The following ROBO1 variants were observed in gnomAD, a reference collection of about 807,000 sequenced individuals.
ROBO1 encodes the protein roundabout guidance receptor 1.
ROBO1 carries 149 observed loss-of-function variants against 195.9 expected under a neutral mutation model. That is an observed-to-expected ratio of 0.76 (90% CI 0.67 to 0.87). ROBO1 has a LOEUF of 0.87. Ranked by LOEUF, ROBO1 falls within the 40% of genes least tolerant of loss-of-function variation. ROBO1 has a pLI of 0.00. For synonymous variants in ROBO1, 816 were observed against 733.2 expected (o/e 1.11, Z -1.82); for missense variants, 1,933 against 2,068.3 (o/e 0.93, Z 1.27).
chr3:78,837,013 A>T (rs746385189), intron 4 of ROBO1, among the ~76,000 whole-genome samples: 2 of 152,196 alleles, frequency 1.3e-5, no homozygotes, highest in Non-Finnish European at 2.9e-5. Context: ...GCCTAAACCT[A>T]AACACATTGT....
chr3:79,081,263 T>C (rs1433474964), intron 3 of ROBO1, among the ~76,000 whole-genome samples: 1 of 151,972 alleles, frequency 6.6e-6, no homozygotes, highest in Admixed American at 6.6e-5. Flanking sequence ...CTCCCCCTCC[T>C]GCTAAGATGC....
chr3:78,745,437 AG>A (rs2082634392), intron 5 of ROBO1, among the ~76,000 whole-genome samples: 1 of 152,178 alleles, frequency 6.6e-6, no homozygotes, highest in African/African-American at 2.4e-5. Flanking sequence ...GAAGGGAAAG[AG>A]GAATTATAGA....
chr3:79,534,007 C>A (rs1449488475), intron 2 of ROBO1, among the ~76,000 whole-genome samples: 1 of 151,902 alleles, frequency 6.6e-6, no homozygotes, highest in Non-Finnish European at 1.5e-5. Context: ...CCAGTGTGCT[C>A]ACGAGGGTCC....
At position 79,122,609 on chromosome 3, in the gene ROBO1, A is replaced by C. The variant is rs981424869; in HGVS notation, c.172+2847T>G. Among the ~76,000 whole-genome samples the C allele has an allele frequency of 2.6e-5, 4 of 152,118 alleles. No individual in the cohort carries two copies. In the East Asian group the frequency reaches 7.7e-4, roughly 29 times the overall value. The stretch of plus-strand genomic sequence containing the variant: ...GATATATAGATTTTAAGATATGTGT[A>C]TGATATGAGATCCATGCACTCTCGT... On this transcript the variant is annotated intron_variant, in intron 3 of 30. Coordinates refer to ENST00000464233, the MANE Select transcript of ROBO1 (RefSeq NM_002941.4).
chr3:79,668,466 A>T (rs2106881990), intron 1 of ROBO1, among the ~76,000 whole-genome samples: 1 of 151,598 alleles, frequency 6.6e-6, no homozygotes, highest in Admixed American at 6.6e-5. Flanking sequence ...AAAGATTCCA[A>T]GCAACCTTCA....
chr3:79,347,013 T>TA (rs1233915363), intron 2 of ROBO1, among the ~76,000 whole-genome samples: 3 of 151,574 alleles, frequency 2.0e-5, no homozygotes, highest in Non-Finnish European at 2.9e-5. Context: ...TGGTGATAAG[T>TA]AAAAAAAATA....
At chr3:78,655,117 GT>G (rs368122864) in intron 18 of ROBO1, among the ~76,000 whole-genome samples, 3,299 of 152,060 alleles carry the variant, frequency 0.022, 103 homozygotes, top group African/African-American at 0.069. Flanking sequence ...ATAATCATTG[GT>G]TTTTTTTAAA....
chr3:79,077,120 G>T (rs972665956), intron 3 of ROBO1, among the ~76,000 whole-genome samples: 1 of 151,832 alleles, frequency 6.6e-6, no homozygotes, highest in Non-Finnish European at 1.5e-5. Context: ...CACTCATGCT[G>T]TACGTGAGAT....
intron 2 of ROBO1, among the ~76,000 whole-genome samples, chr3:79,155,970 C>A (rs1441090549): frequency 6.6e-6 from 1 of 151,820 alleles, no homozygotes; most frequent in East Asian, 1.9e-4. Context: ...AACTTACAAT[C>A]CTGAATGCCT....
intron 1 of ROBO1, among the ~76,000 whole-genome samples, chr3:79,639,208 A>G (rs184048654): frequency 1.6e-4 from 24 of 152,290 alleles, no homozygotes; most frequent in African/African-American, 5.3e-4. Flanking sequence ...TAATCTTCCA[A>G]TATGTCACAG....
intron 3 of ROBO1, among the ~76,000 whole-genome samples, chr3:78,982,925 T>C (rs1187044045): frequency 6.6e-6 from 1 of 151,972 alleles, no homozygotes; most frequent in Non-Finnish European, 1.5e-5. Flanking sequence ...TTTTTTTTTA[T>C]TTTTTTGAGA....
intron 2 of ROBO1, among the ~76,000 whole-genome samples, chr3:79,476,222 C>A (rs1938539290): frequency 6.6e-6 from 1 of 151,934 alleles, no homozygotes; most frequent in Admixed American, 6.6e-5. Context: ...GCAAGAACAG[C>A]CATAATTAAA....
In ROBO1 at chr3:79,628,143, C is replaced by T. The variant is rs974961503; in HGVS notation, c.-50-38182G>A. Among the ~76,000 whole-genome samples the T allele has an allele frequency of 9.2e-5, 14 of 152,022 alleles. 1 individual carries two copies. On this transcript the variant is annotated intron_variant, in intron 1 of 30. Coordinates refer to ENST00000464233, the MANE Select transcript of ROBO1 (RefSeq NM_002941.4). ...GCAATCCCATTACTGAGTATGTACC[C>T]AAAGGAATATAAGTCATTCTATTAT...
At chr3:79,408,250 A>AT (rs1471907972) in intron 2 of ROBO1, among the ~76,000 whole-genome samples, 7 of 151,864 alleles carry the variant, frequency 4.6e-5, no homozygotes, top group African/African-American at 1.7e-4. Context: ...AAAATTAAAA[A>AT]ATTTGGGAGA....
At chr3:78,625,313 T>C (rs1381190292) in intron 26 of ROBO1, among the ~76,000 whole-genome samples, 2 of 152,224 alleles carry the variant, frequency 1.3e-5, no homozygotes, top group African/African-American at 2.4e-5. Flanking sequence ...ACTAAGCTGA[T>C]TTCAAAATGA....
At chr3:78,948,512 T>G (rs2040584915) in intron 3 of ROBO1, among the ~76,000 whole-genome samples, 1 of 152,026 alleles carries the variant, frequency 6.6e-6, no homozygotes, top group Non-Finnish European at 1.5e-5. Flanking sequence ...ATGGGACAAA[T>G]CTCAAAATAA....
intron 2 of ROBO1, among the ~76,000 whole-genome samples, chr3:79,238,323 C>A (rs913077827): frequency 2.0e-5 from 3 of 152,144 alleles, no homozygotes; most frequent in Non-Finnish European, 4.4e-5. Context: ...ATCCTGCCTC[C>A]AAAGTCCTGA....
intron 21 of ROBO1, among the ~76,000 whole-genome samples, chr3:78,641,182 G>A (rs899215650): frequency 6.6e-6 from 1 of 152,136 alleles, no homozygotes. Flanking sequence ...TTTTACAAGG[G>A]AGGTACTGTT....
At chr3:79,250,571 G>T (rs1044007281) in intron 2 of ROBO1, among the ~76,000 whole-genome samples, 3 of 151,766 alleles carry the variant, frequency 2.0e-5, no homozygotes, top group Non-Finnish European at 4.4e-5. Context: ...TGTGGGGGGG[G>T]TTCTGTATCT....
Sources: gnomAD v4.1 joint callset for allele counts (sites outside exome capture counted in the v4.1 genomes callset) on GRCh38, gnomAD v4.1.1 for gene constraint, MANE v1.5 for transcripts, NCBI Gene and HGNC (gene_info 2026-07-23, HGNC 2026-07-21) for gene names.